The following RTL1 variants were observed in gnomAD, a reference collection of about 807,000 sequenced individuals.
The protein encoded by RTL1 is retrotransposon-like protein 1.
For missense variants in RTL1, 1,681 were observed against 1,767.5 expected, an observed-to-expected ratio of 0.95 and a Z score of 0.88; for synonymous variants, 727 against 748.4, an observed-to-expected ratio of 0.97 and a Z score of 0.47.
Position 100,881,359 on chromosome 14 carries a change from G to C in RTL1, c.3430C>G (p.Gln1144Glu). 1 of 1,550,660 alleles carries C rather than the reference G, an allele frequency of 6.4e-7. No homozygotes were observed. Among genetic ancestry groups the C allele is most frequent in the Non-Finnish European group, 8.7e-7 (1 of 1,146,990 alleles). The change falls in exon 4 of 4, where the codon CAG becomes GAG. Residue 1144 changes from glutamine (Q) to glutamate (E), a missense_variant. Physicochemically the swap from Gln to Glu is conservative, Grantham distance 29 (BLOSUM62 2). Transcript: ENST00000649591. The surrounding 1 kb of genome is among the most constrained non-coding windows in gnomAD (Gnocchi z 6.6). ...AGSSITTAIT[Q>E]LLTQMPALVG... ...AGAGCGGGCATCTGGGTGAGCAGCT[G>C]GGTGATGGCTGTCGTGATGCTGCTG...
rs774140527 is a variant in RTL1 at position 100,881,046 on chromosome 14, A to G, written c.3743T>C (p.Leu1248Pro). 3.1e-6 allele frequency: 5 copies of G among 1,601,596 alleles called. No individual in the cohort carries two copies. Among genetic ancestry groups the G allele is most frequent in the Non-Finnish European group, 4.3e-6 (5 of 1,174,224 alleles). The change falls in exon 4 of 4, where the codon CTG (leucine) becomes CCG (proline). Residue 1248 changes from leucine (L) to proline (P), a missense_variant. Transcript: ENST00000649591. The surrounding 1 kb of genome is among the most constrained non-coding windows in gnomAD (Gnocchi z 6.6). ...DDLQRYRQCG[L>P]HDGLQDTSQD... ...CGAGGTGTCTTGCAGGCCGTCATGC[A>G]GGCCACACTGACGGTAACGTTGCAG...
intron 3 of RTL1, among the ~76,000 whole-genome samples, chr14:100,888,450 T>C (rs1316259388): frequency 6.8e-6 from 1 of 148,078 alleles, no homozygotes; most frequent in African/African-American, 2.4e-5. Context: ...CTGTTCCTGC[T>C]GTAAGCCCTT....
At position 100,882,112 on chromosome 14, in the gene RTL1, T is replaced by C. The variant is rs747749088; in HGVS notation, c.2677A>G (p.Ile893Val). 3 of 1,562,956 alleles carry C rather than the reference T, an allele frequency of 1.9e-6. No homozygotes were observed. In the South Asian group the frequency reaches 3.5e-5, roughly 18 times the overall value. The change falls in exon 4 of 4, where the codon ATC becomes GTC. Residue 893 changes from isoleucine to valine, a missense_variant. By Grantham distance (29) the Ile-to-Val change is conservative. Transcript: ENST00000649591. ...GCTCTCTTGCCGGTTTGGTCGTCGA[T>C]TTGGATCAGGGAGGCGTGCAGGGCC... The part of the protein sequence containing the change: ...GTALHASLIQ[I>V]DDQTGKRACC...
chr14:100,892,090 C>T (rs2038787692), intron 3 of RTL1, among the ~76,000 whole-genome samples: 2 of 152,196 alleles, frequency 1.3e-5, no homozygotes, highest in South Asian at 4.1e-4. Context: ...AAAGCACAGA[C>T]TATGTGGTCT....
intron 3 of RTL1, among the ~76,000 whole-genome samples, chr14:100,888,309 T>C (rs955713856): frequency 1.1e-4 from 17 of 152,226 alleles, no homozygotes; most frequent in African/African-American, 3.4e-4. Context: ...AGCATGTAAC[T>C]TCTCAACTTA....
chr14:100,883,144 T>G lies in RTL1; in HGVS notation c.1645A>C (p.Met549Leu). 6.2e-7 allele frequency: 1 copy of G among 1,607,700 alleles called. No individual in the cohort carries two copies. The highest frequency in any genetic ancestry group is 8.5e-7 in the Non-Finnish European group (1 of 1,176,344). Residue 549 changes from methionine (M) to leucine (L), a missense_variant, in exon 4 of 4, where the codon ATG becomes CTG. Physicochemically the swap from Met to Leu is conservative, Grantham distance 15. Transcript: ENST00000649591. The surrounding 1 kb of genome is among the most constrained non-coding windows in gnomAD (Gnocchi z 5.9). The part of the protein sequence containing the change: ...PPCIALERHG[M>L]SLLPGLPHPY... ...TGTGGCAGTCCGGGTAGCAGGCTCA[T>G]GCCGTGCCTCTCTAGGGCAATGCAT...
intron 2 of RTL1, chr14:100,897,787 G>GGGGGGGGGGGGGGGGT (rs2038888289): frequency 6.0e-6 from 1 of 165,364 alleles, no homozygotes; most frequent in Admixed American, 6.4e-5. Flanking sequence ...GCGGGGGGGG[G>GGGGGGGGGGGGGGGGT]CAGTGAATTG....
chr14:100,901,039 G>T (rs879480280), intron 2 of RTL1, among the ~76,000 whole-genome samples: 6 of 152,188 alleles, frequency 3.9e-5, no homozygotes, highest in Admixed American at 6.5e-5. Context: ...ACCAGCCTGC[G>T]CACTCCACCT....
At position 100,879,790 on chromosome 14, in the gene RTL1, T is replaced by C. The variant is rs761447399; in HGVS notation, c.*922A>G. ...GCTTTATTTGAGGAGTGCAAAAAGA[T>C]TGGGGGGTGAGAAAGCTCGGGGGGT... On this transcript the variant is annotated 3_prime_UTR_variant, in exon 4 of 4. Coordinates refer to ENST00000649591, the MANE Select transcript of RTL1 (RefSeq NM_001134888.3). Among the ~76,000 whole-genome samples, 2 of 139,880 alleles carry C rather than the reference T, an allele frequency of 1.4e-5. No individual in the cohort carries two copies. The highest frequency in any genetic ancestry group is 3.1e-5 in the Non-Finnish European group (2 of 63,960). 91.8% of individuals were successfully genotyped at this position (139,880 alleles called of 152,430 possible).
chr14:100,883,445 G>C lies in RTL1; in HGVS notation c.1344C>G (p.Val448=), dbSNP rs1199802266. Residue 448 remains valine (V), a synonymous_variant, in exon 4 of 4, where the codon GTC becomes GTG. Transcript: ENST00000649591. This position sits in a 1 kb window ranked among gnomAD's most constrained non-coding sequence, Gnocchi z 5.9. ...MDEKFAQEHY[V]ELYEKPYPQP... ...GTGGGTACGGCTTCTCGTAGAGCTC[G>C]ACGTAGTGCTCTTGGGCGAACTTCT... 1 of 1,550,652 alleles carries C rather than the reference G, an allele frequency of 6.4e-7. No homozygotes were observed. Among genetic ancestry groups the C allele is most frequent in the African/African-American group, 1.4e-5 (1 of 73,024 alleles).
intron 3 of RTL1, among the ~76,000 whole-genome samples, chr14:100,887,913 C>A (rs899204455): frequency 2.0e-5 from 3 of 150,796 alleles, no homozygotes; most frequent in Non-Finnish European, 4.4e-5. Context: ...TATAAATGAC[C>A]CGTCTCCTCA....
Position 100,883,428 on chromosome 14 carries a change from G to A in RTL1, c.1361C>T (p.Pro454Leu), listed in dbSNP as rs1240659522. The A allele has an allele frequency of 3.2e-6, 5 of 1,550,228 alleles. No individual in the cohort carries two copies. Among genetic ancestry groups the A allele is most frequent in the East Asian group, 2.4e-5 (1 of 40,836 alleles). ...CACGGATTGGACCGGCTGTGGGTAC[G>A]GCTTCTCGTAGAGCTCGACGTAGTG... Reference protein sequence around the residue: ...QEHYVELYEKPYPQPVQSVDG... With the variant: ...QEHYVELYEKLYPQPVQSVDG... Residue 454 changes from proline to leucine, a missense_variant, in exon 4 of 4, where the codon CCG becomes CTG. Physicochemically the swap from Pro to Leu is moderately conservative, Grantham distance 98 (BLOSUM62 -3). Transcript: ENST00000649591. This position sits in a 1 kb window ranked among gnomAD's most constrained non-coding sequence, Gnocchi z 5.9.
rs1014561827 is a variant in RTL1, at chr14:100,880,367, G to T, written c.*345C>A. Among the ~76,000 whole-genome samples, 10 of 152,142 alleles carry T rather than the reference G, an allele frequency of 6.6e-5. No homozygotes were observed. The highest frequency in any genetic ancestry group is 2.2e-4 in the African/African-American group (9 of 41,438). ...CTGCTTGCTTGGCTGCGCCTGCTGT[G>T]CCTGCTTCTTCATCTGGCCACGCGT... On this transcript the variant is annotated 3_prime_UTR_variant, in exon 4 of 4. Coordinates refer to ENST00000649591, the MANE Select transcript of RTL1 (RefSeq NM_001134888.3).
Position 100,884,248 on chromosome 14 carries a change from T to C in RTL1, c.541A>G (p.Lys181Glu). 6.4e-7 allele frequency: 1 copy of C among 1,551,780 alleles called. No homozygotes were observed. ...ISLYFRMQDL[K>E]EQQRVAEEIL... ...TCTTCTGCTACTCTCTGTTGCTCTTTGAGGTCTTGCATTCGGAAGTACAGC... is the reference window on the plus strand; with the variant it reads ...TCTTCTGCTACTCTCTGTTGCTCTTCGAGGTCTTGCATTCGGAAGTACAGC... The change falls in exon 4 of 4, where the codon AAA becomes GAA. Residue 181 changes from lysine to glutamate, a missense_variant. By Grantham distance (56) the Lys-to-Glu change is moderately conservative. Coordinates refer to ENST00000649591, the MANE Select transcript of RTL1 (RefSeq NM_001134888.3).
intron 2 of RTL1, among the ~76,000 whole-genome samples, chr14:100,902,599 G>A (rs1214314135): frequency 6.7e-6 from 1 of 148,230 alleles, no homozygotes; most frequent in African/African-American, 2.5e-5. Context: ...GCCCTGGTCA[G>A]CCCTGCAGTA....
In RTL1 at chr14:100,893,857, C is replaced by T. The variant is rs914868406; in HGVS notation, c.-148-352G>A. 1.3e-5 allele frequency among the ~76,000 whole-genome samples: 2 copies of T among 152,212 alleles called. No homozygotes were observed. The highest frequency in any genetic ancestry group is 4.8e-5 in the African/African-American group (2 of 41,460). On this transcript the variant is annotated intron_variant, in intron 2 of 3. Coordinates refer to ENST00000649591, the MANE Select transcript of RTL1 (RefSeq NM_001134888.3). The surrounding 1 kb of genome is among the most constrained non-coding windows in gnomAD (Gnocchi z 4.2). ...ACCCTCACACCCGGGCCCACGCTCACTTTAATAACCCGGACTGGGCAAGGA... is the reference window on the plus strand; with the variant it reads ...ACCCTCACACCCGGGCCCACGCTCATTTTAATAACCCGGACTGGGCAAGGA...
chr14:100,897,763 T>TGGGGGGGGGGGGGGGGGGGGGGGGGG (rs1566760864), intron 2 of RTL1: 1 of 26,740 alleles, frequency 3.7e-5, no homozygotes, highest in Non-Finnish European at 7.4e-5. Flanking sequence ...GGGGGGGGGG[T>TGGGGGGGGGGGGGGGGGGGGGGGGGG]GGGGGGGTGG....
chr14:100,891,909 A>G (rs1749213864), intron 3 of RTL1, among the ~76,000 whole-genome samples: 1 of 151,928 alleles, frequency 6.6e-6, no homozygotes, highest in East Asian at 1.9e-4. Flanking sequence ...TGGGGTTCCT[A>G]AGAGGTGCCT....
In RTL1 at chr14:100,890,184, AGAC is replaced by A. The variant is rs145095875; in HGVS notation, c.-87+3257_-87+3259del. Among the ~76,000 whole-genome samples, 4 of 151,454 alleles carry A rather than the reference AGAC, an allele frequency of 2.6e-5. No homozygotes were observed. The East Asian group carries it at 7.8e-4, about 30-fold the overall frequency. On this transcript the variant is annotated intron_variant, in intron 3 of 3. Transcript: ENST00000649591. The stretch of plus-strand genomic sequence containing the variant: ...CTCTTCCCCCCAACACTCAAGAGAC[AGAC>A]GCCCCAGCCTCACCACCTTCAGTGC...
Sources: gnomAD v4.1 joint callset for allele counts (sites outside exome capture counted in the v4.1 genomes callset) on GRCh38, gnomAD v4.1.1 for gene constraint, Gnocchi (gnomAD v3.1) non-coding constraint, MANE v1.5 for transcripts, NCBI Gene and HGNC (gene_info 2026-07-23, HGNC 2026-07-21) for gene names.